The following TDRKH variants were observed in gnomAD, a reference collection of about 807,000 sequenced individuals.
TDRKH encodes the protein tudor and KH domain containing, also known as tudor and KH domain-containing protein.
In TDRKH, 28 loss-of-function variants were observed where a neutral mutation model predicts 61.3. The observed-to-expected ratio is 0.46, with a 90% CI of 0.34 to 0.63. The LOEUF (loss-of-function observed/expected upper bound fraction) is 0.63, where lower values mean the gene tolerates loss of function less well. Among genes scored for constraint, TDRKH ranks in the 20% least tolerant of loss-of-function variants. The pLI is 0.01. For synonymous variants in TDRKH, 219 were observed against 244.4 expected, an observed-to-expected ratio of 0.90 and a Z score of 0.97; for missense variants, 540 against 683.4, an observed-to-expected ratio of 0.79 and a Z score of 2.34.
At chr1:151,783,200 T>G in intron 1 of TDRKH, 151 bp from the exon 2 acceptor site, 1 of 564,224 alleles carries the variant, frequency 1.8e-6, no homozygotes, top group South Asian at 3.0e-5. Flanking sequence ...TTATTTCATA[T>G]AAAAAGGGCT....
chr1:151,771,000 GGAA>G (rs1648673609), downstream of TDRKH: 1 of 1,501,202 alleles, frequency 6.7e-7, no homozygotes, highest in Non-Finnish European at 8.9e-7. Context: ...ACTCCCTAGT[GGAA>G]GAAATCAAAT....
chr1:151,787,281 C>T (rs576985300), intron 1 of TDRKH, among the ~76,000 whole-genome samples: 2 of 152,282 alleles, frequency 1.3e-5, no homozygotes, highest in South Asian at 4.1e-4. Context: ...TGCAGTGGCA[C>T]GATCTCAGCT....
downstream of TDRKH, chr1:151,770,217 CTCTG>C: frequency 6.2e-7 from 1 of 1,613,900 alleles, no homozygotes; most frequent in Non-Finnish European, 8.5e-7. Context: ...CAAATGTGGA[CTCTG>C]TGTTTGTGAA....
At position 151,778,097 on chromosome 1, in the gene TDRKH, T is replaced by C. The variant is rs551607908; in HGVS notation, c.883+588A>G. On this transcript the variant is annotated intron_variant, in intron 6 of 12. Transcript: ENST00000368824. ...AACATGGCGAAAGGAGCTCTCTCTT[T>C]CCCACCCTGTCTATTTATACCTCCA... is the stretch of plus-strand genomic sequence containing the variant. Among the ~76,000 whole-genome samples the C allele has an allele frequency of 7.5e-4, 114 of 152,220 alleles. 2 individuals carry two copies. The South Asian group carries it at 9.8e-3, about 13-fold the overall frequency.
At position 151,778,806 on chromosome 1, in the gene TDRKH, T is replaced by G. The variant is rs772180425; in HGVS notation, c.762A>C (p.Pro254=). Residue 254 remains proline (P), a synonymous_variant, in exon 6 of 13, where the codon CCA becomes CCC. Coordinates refer to ENST00000368824, the MANE Select transcript of TDRKH (RefSeq NM_001083965.2). ...CAGCCATGTCGCCTCCTCCTTTGGG[T>G]GGAGGAGTCACCAGGGGTGCAGTCG... ...MEPTAPLVTP[P]PKGGGDMAVV... 6.2e-7 allele frequency: 1 copy of G among 1,614,120 alleles called. No individual in the cohort carries two copies. The highest frequency in any genetic ancestry group is 8.5e-7 in the Non-Finnish European group (1 of 1,179,998).
intron 1 of TDRKH, chr1:151,783,684 C>G (rs1650054834): frequency 6.6e-6 from 1 of 152,334 alleles, no homozygotes; most frequent in Non-Finnish European, 1.5e-5. Flanking sequence ...TCCTTGGTTT[C>G]TGTGCCCTCT....
intron 12 of TDRKH, 95 bp from the exon 13 acceptor site, chr1:151,774,599 C>G: frequency 6.3e-7 from 1 of 1,575,826 alleles, no homozygotes; most frequent in Non-Finnish European, 8.7e-7. Flanking sequence ...CCTCTTGGTA[C>G]TCAATGACCT....
intron 1 of TDRKH, among the ~76,000 whole-genome samples, chr1:151,786,755 C>T (rs1271909797): frequency 1.3e-5 from 2 of 152,166 alleles, no homozygotes; most frequent in Non-Finnish European, 2.9e-5. Flanking sequence ...AATAATAAAA[C>T]GGCCTTTTAC....
chr1:151,766,548 T>G (rs1360066710), downstream of TDRKH: 15 of 652,512 alleles, frequency 2.3e-5, no homozygotes, highest in African/African-American at 2.6e-4. Context: ...AATATGAGCC[T>G]TGGATAAGGG....
At chr1:151,771,798 A>G (rs1282547802), downstream of TDRKH, 2 of 396,382 alleles carry the variant, frequency 5.0e-6, no homozygotes, top group East Asian at 7.2e-5. Flanking sequence ...AAGGCATATT[A>G]AAGAAAAAGA....
At chr1:151,778,460 A>C (rs1649422013) in intron 6 of TDRKH, among the ~76,000 whole-genome samples, 1 of 152,154 alleles carries the variant, frequency 6.6e-6, no homozygotes, top group Admixed American at 6.5e-5. Context: ...TACCTGCATA[A>C]ATCATTTTCA....
At chr1:151,775,035 G>A in intron 11 of TDRKH, 30 bp downstream of exon 11, 1 of 1,607,130 alleles carries the variant, frequency 6.2e-7, no homozygotes, top group Non-Finnish European at 8.5e-7. Flanking sequence ...TTGCCTGGAA[G>A]CAGCACCCTA....
chr1:151,784,894 C>G (rs538206641), intron 1 of TDRKH, among the ~76,000 whole-genome samples: 101 of 152,020 alleles, frequency 6.6e-4, no homozygotes, highest in African/African-American at 2.0e-3. Context: ...TGATTCACCC[C>G]CTTCCCATAA....
Position 151,779,862 on chromosome 1 carries a change from A to C in TDRKH, c.421+89T>G, listed in dbSNP as rs1399810035. The C allele has an allele frequency of 4.4e-6, 6 of 1,375,820 alleles. No homozygotes were observed. The Admixed American group carries it at 1.3e-4, about 30-fold the overall frequency. The allele number at this position is 1,375,820 out of a possible 1,614,324, so 85.2% of individuals were successfully genotyped here. On this transcript the variant is annotated intron_variant, in intron 4 of 12. Transcript: ENST00000368824. ...TTTTTCCCCTCACATGGTGAAGGGG[A>C]ACTAGGCCAGAAAAAACCCTGGGAA...
At chr1:151,786,776 G>A (rs957455570) in intron 1 of TDRKH, among the ~76,000 whole-genome samples, 1 of 152,148 alleles carries the variant, frequency 6.6e-6, no homozygotes, top group Non-Finnish European at 1.5e-5. Flanking sequence ...TACCCGAGGT[G>A]GGGGATGGGT....
chr1:151,770,405 G>T, downstream of TDRKH: 4 of 1,233,222 alleles, frequency 3.2e-6, no homozygotes, highest in Admixed American at 2.6e-5. Flanking sequence ...ACGAAGGTGG[G>T]AAGTTGTAAC....
intron 4 of TDRKH, 81 bp downstream of exon 4, chr1:151,779,870 C>A: frequency 7.0e-7 from 1 of 1,434,846 alleles, no homozygotes; most frequent in Non-Finnish European, 9.4e-7. Flanking sequence ...GGAACTAGGC[C>A]AGAAAAAACC....
downstream of TDRKH, chr1:151,767,420 G>A: frequency 6.7e-7 from 1 of 1,493,744 alleles, no homozygotes; most frequent in South Asian, 1.4e-5. Flanking sequence ...TGGAACGCAT[G>A]TGTAAAAGCT....
In TDRKH at chr1:151,774,986, G is replaced by C. The variant is rs1289175043; in HGVS notation, c.1536+79C>G. 19 of 1,465,214 alleles carry C rather than the reference G, an allele frequency of 1.3e-5. No individual in the cohort carries two copies. The East Asian group carries it at 4.1e-4, about 32-fold the overall frequency. The allele number at this position is 1,465,214 out of a possible 1,614,324, so 90.8% of individuals were successfully genotyped here. A position where few individuals can be genotyped will look rare whatever the true frequency, so the allele number is the denominator to read the frequency against. On this transcript the variant is annotated intron_variant, in intron 11 of 12. Transcript: ENST00000368824. ...CAAAGTCCTTAGGAAAGCTAACACA[G>C]TATCAGGACTAGAAGCCCTTAGTGT...
Sources: allele counts gnomAD v4.1 joint callset (sites outside exome capture counted in the v4.1 genomes callset), GRCh38; gene constraint gnomAD v4.1.1; transcripts MANE v1.5; gene names NCBI Gene and HGNC (gene_info 2026-07-23, HGNC 2026-07-21).